The following BTBD10 variants were observed in gnomAD, a reference collection of about 807,000 sequenced individuals.
BTBD10 encodes BTB/POZ domain-containing protein 10.
In BTBD10, 21 loss-of-function variants were observed where a neutral mutation model predicts 53.2. The observed-to-expected ratio is 0.39, with a 90% CI of 0.28 to 0.57. The LOEUF (loss-of-function observed/expected upper bound fraction) is 0.57, where lower values mean the gene tolerates loss of function less well. Among genes scored for constraint, BTBD10 ranks in the 20% least tolerant of loss-of-function variants. The probability of loss-of-function intolerance (pLI) is 0.53; values close to 1 mark genes in which losing one functional copy is unlikely to be tolerated. For synonymous variants in BTBD10, 149 were observed against 192.7 expected, an observed-to-expected ratio of 0.77 and a Z score of 1.88; for missense variants, 360 against 594.7, an observed-to-expected ratio of 0.61 and a Z score of 4.10.
Position 13,388,406 on chromosome 11 carries a change from T to C in BTBD10, c.*425A>G, listed in dbSNP as rs902725410. 6.3e-6 allele frequency: 1 copy of C among 159,976 alleles called. No homozygotes were observed. Among genetic ancestry groups the C allele is most frequent in the Non-Finnish European group, 1.4e-5 (1 of 71,970 alleles). The allele number at this position is 159,976 out of a possible 1,614,324, so 9.9% of individuals were successfully genotyped here. ...CTTAAATTATATTGTGCATCACAAC[T>C]ATAAAATGGCTTGAACATTTCCATT... On this transcript the variant is annotated 3_prime_UTR_variant, in exon 9 of 9. Transcript: ENST00000278174.
chr11:13,393,103 G>A (rs1321888579), intron 8 of BTBD10, among the ~76,000 whole-genome samples: 1 of 152,128 alleles, frequency 6.6e-6, no homozygotes, highest in African/African-American at 2.4e-5. Flanking sequence ...AATGATTTAG[G>A]TAAGAATTAT....
chr11:13,400,202 G>A (rs1357715325), intron 8 of BTBD10, among the ~76,000 whole-genome samples: 4 of 152,244 alleles, frequency 2.6e-5, no homozygotes, highest in Non-Finnish European at 4.4e-5. Context: ...CACCCAGTTC[G>A]AGCTTCCAGG....
At chr11:13,444,815 G>A (rs1209669610) in intron 2 of BTBD10, among the ~76,000 whole-genome samples, 2 of 152,044 alleles carry the variant, frequency 1.3e-5, no homozygotes, top group East Asian at 3.9e-4. Flanking sequence ...CATCTTTAGA[G>A]ACAGAAATAA....
At chr11:13,436,533 T>C (rs915830717) in intron 2 of BTBD10, among the ~76,000 whole-genome samples, 2 of 152,136 alleles carry the variant, frequency 1.3e-5, no homozygotes, top group African/African-American at 4.8e-5. Context: ...AGCACCTTAA[T>C]CCTCAAAACC....
chr11:13,425,791 G>A (rs1950325712), intron 2 of BTBD10, among the ~76,000 whole-genome samples: 1 of 152,058 alleles, frequency 6.6e-6, no homozygotes, highest in African/African-American at 2.4e-5. Flanking sequence ...ATCACCCTGA[G>A]TTGCTCACTA....
At chr11:13,390,555 G>A (rs1455419926) in intron 8 of BTBD10, among the ~76,000 whole-genome samples, 2 of 152,062 alleles carry the variant, frequency 1.3e-5, no homozygotes, top group Non-Finnish European at 2.9e-5. Context: ...TGTTGGCCAG[G>A]ATGATCTCAA....
chr11:13,444,313 C>G (rs1214530963), intron 2 of BTBD10, among the ~76,000 whole-genome samples: 2 of 151,860 alleles, frequency 1.3e-5, no homozygotes, highest in East Asian at 1.9e-4. Context: ...ATAATATCCC[C>G]TAAGTAATAT....
At chr11:13,459,523 AG>A (rs1193920929) in intron 1 of BTBD10, 1 of 152,222 alleles carries the variant, frequency 6.6e-6, no homozygotes, top group African/African-American at 2.4e-5. Flanking sequence ...TAACAGGAGA[AG>A]GTAACATCTG....
chr11:13,420,311 A>T (rs190051357), intron 3 of BTBD10, among the ~76,000 whole-genome samples: 57 of 141,974 alleles, frequency 4.0e-4, no homozygotes, highest in Admixed American at 1.3e-3. Flanking sequence ...AAGGGTAGTA[A>T]GAAGTATTTT....
chr11:13,420,564 C>G (rs1247093690), intron 3 of BTBD10, among the ~76,000 whole-genome samples: 3 of 152,076 alleles, frequency 2.0e-5, no homozygotes, highest in Non-Finnish European at 2.9e-5. Context: ...GAGACTAGAT[C>G]ACTAAACTTT....
intron 1 of BTBD10, among the ~76,000 whole-genome samples, chr11:13,453,776 G>T (rs1333978892): frequency 6.6e-6 from 1 of 152,142 alleles, no homozygotes; most frequent in Non-Finnish European, 1.5e-5. Flanking sequence ...GAAAGAGGCT[G>T]GGTGCGGTGG....
intron 5 of BTBD10, among the ~76,000 whole-genome samples, chr11:13,416,803 C>G (rs1164182335): frequency 6.6e-6 from 1 of 151,928 alleles, no homozygotes; most frequent in Non-Finnish European, 1.5e-5. Context: ...ACTGTGAGAC[C>G]TCGTCTCTAT....
rs752547786 is a variant in BTBD10, at chr11:13,388,890, T to G, written c.1369A>C (p.Ile457Leu). Residue 457 changes from isoleucine to leucine, a missense_variant, in exon 9 of 9, where the codon ATC becomes CTC. This residue lies in a region of BTBD10 where 25 missense variants were observed against 24.9 expected (regional missense o/e 1.00). Coordinates refer to ENST00000278174, the MANE Select transcript of BTBD10 (RefSeq NM_032320.7). ...TCACTGTTGCCAGAAGGGGGATGGA[T>G]AGGGAGAATATCCAGCTCATCCACT... Reference protein sequence around the residue: ...PQVDELDILPIHPPSGNSDLD... With the variant: ...PQVDELDILPLHPPSGNSDLD... 2.8e-5 allele frequency: 45 copies of G among 1,614,160 alleles called. 1 individual carries two copies. In the South Asian group the frequency reaches 4.9e-4, roughly 18 times the overall value.
Position 13,404,301 on chromosome 11 carries a change from C to T in BTBD10, c.1007-1023G>A, listed in dbSNP as rs1044848230. Reference sequence around the variant, plus strand: ...TGGATCATCTTGATACAAAATAATACATATTTAGACCACTAAGTAAAAATG... The same window carrying T: ...TGGATCATCTTGATACAAAATAATATATATTTAGACCACTAAGTAAAAATG... On this transcript the variant is annotated intron_variant, in intron 7 of 8. Coordinates refer to ENST00000278174, the MANE Select transcript of BTBD10 (RefSeq NM_032320.7). 7.2e-5 allele frequency among the ~76,000 whole-genome samples: 11 copies of T among 152,068 alleles called. No individual in the cohort carries two copies. The East Asian group carries it at 2.1e-3, about 29-fold the overall frequency.
intron 8 of BTBD10, among the ~76,000 whole-genome samples, chr11:13,393,238 C>A (rs1294205107): frequency 6.6e-6 from 1 of 152,166 alleles, no homozygotes; most frequent in Non-Finnish European, 1.5e-5. Flanking sequence ...GAATATGGGA[C>A]CACAGAGCTA....
At chr11:13,425,357 C>T (rs1200575081) in intron 2 of BTBD10, among the ~76,000 whole-genome samples, 1 of 151,960 alleles carries the variant, frequency 6.6e-6, no homozygotes, top group African/African-American at 2.4e-5. Flanking sequence ...TAAAGCAAAG[C>T]TCAAGAATAT....
intron 4 of BTBD10, 46 bp from the exon 5 acceptor site, chr11:13,417,306 T>A: frequency 7.4e-7 from 1 of 1,346,190 alleles, no homozygotes. Context: ...AATACTTCCT[T>A]CAAAAGGGAA....
chr11:13,402,007 T>G (rs2135762039), intron 8 of BTBD10, among the ~76,000 whole-genome samples: 1 of 152,336 alleles, frequency 6.6e-6, no homozygotes, highest in East Asian at 1.9e-4. Flanking sequence ...CTTGAATGTC[T>G]TCTTCTCAGG....
chr11:13,392,686 G>A (rs1384205954), intron 8 of BTBD10, among the ~76,000 whole-genome samples: 1 of 152,172 alleles, frequency 6.6e-6, no homozygotes, highest in African/African-American at 2.4e-5. Flanking sequence ...ATAAGAGCCA[G>A]TCCTACTACT....
Sources: gnomAD v4.1 joint callset for allele counts (sites outside exome capture counted in the v4.1 genomes callset) on GRCh38, gnomAD v4.1.1 for gene constraint, gnomAD v4.1.1 regional missense constraint, MANE v1.5 for transcripts, NCBI Gene and HGNC (gene_info 2026-07-23, HGNC 2026-07-21) for gene names.